KCNN2: variants seen among roughly 807,000 people sequenced by gnomAD.
KCNN2 encodes the protein small conductance calcium-activated potassium channel protein 2.
KCNN2 carries 24 observed loss-of-function variants against 55.5 expected under a neutral mutation model. The ratio of observed to expected loss-of-function variants is 0.43; its 90% CI spans 0.31 to 0.61. KCNN2 has a LOEUF of 0.61. Ranked by LOEUF, KCNN2 falls within the 20% of genes least tolerant of loss-of-function variation. The probability of loss-of-function intolerance (pLI) is 0.08; values close to 1 mark genes in which losing one functional copy is unlikely to be tolerated. For missense variants in KCNN2, 754 were observed against 853.6 expected (o/e 0.88, Z 1.45); for synonymous variants, 431 against 336.1 (o/e 1.28, Z -3.09).
chr5:114,139,122 A>G (rs570404067), intron 1 of KCNN2, among the ~76,000 whole-genome samples: 103 of 152,268 alleles, frequency 6.8e-4, no homozygotes, highest in African/African-American at 2.5e-3. Flanking sequence ...CATATTTAGT[A>G]ACTAATCCAT....
chr5:114,431,904 T>C (rs1474217067), intron 3 of KCNN2, among the ~76,000 whole-genome samples: 4 of 152,234 alleles, frequency 2.6e-5, no homozygotes, highest in Non-Finnish European at 4.4e-5. Context: ...TCTTTGTGTT[T>C]TTGATTTCTA....
chr5:114,270,835 G>A (rs1487166515), intron 2 of KCNN2, among the ~76,000 whole-genome samples: 6 of 152,088 alleles, frequency 3.9e-5, no homozygotes, highest in Non-Finnish European at 5.9e-5. Flanking sequence ...TGGTGTGTCC[G>A]CAGTTTGTTC....
intron 1 of KCNN2, among the ~76,000 whole-genome samples, chr5:114,137,238 A>C (rs1219631631): frequency 1.3e-5 from 2 of 152,170 alleles, no homozygotes; most frequent in Non-Finnish European, 2.9e-5. Context: ...AATGTCTTCA[A>C]TGTGGGTTGC....
intron 1 of KCNN2, among the ~76,000 whole-genome samples, chr5:114,173,879 T>C: frequency 6.6e-6 from 1 of 152,120 alleles, no homozygotes; most frequent in South Asian, 2.1e-4. Flanking sequence ...AGATGGCAGA[T>C]TCACTAAAAA....
intron 1 of KCNN2, among the ~76,000 whole-genome samples, chr5:114,145,489 C>T (rs1327921829): frequency 6.6e-6 from 1 of 152,078 alleles, no homozygotes; most frequent in Non-Finnish European, 1.5e-5. Context: ...TACCAAGTGT[C>T]CTAAAGGAGG....
At chr5:114,109,975 G>A (rs1751562622) in intron 1 of KCNN2, among the ~76,000 whole-genome samples, 1 of 151,948 alleles carries the variant, frequency 6.6e-6, no homozygotes, top group African/African-American at 2.4e-5. Context: ...GTCCATGAGG[G>A]CTCCTCCCCT....
intron 2 of KCNN2, among the ~76,000 whole-genome samples, chr5:114,373,640 T>TTTTGTATATATATATATATATATATATA (rs536849367): frequency 1.8e-5 from 1 of 56,710 alleles, no homozygotes; most frequent in African/African-American, 5.3e-5. Flanking sequence ...TATGAAGATT[T>TTTTGTATATATATATATATATATATATA]TATATATATA....
intron 1 of KCNN2, among the ~76,000 whole-genome samples, chr5:114,093,886 G>A (rs186574837): frequency 2.6e-5 from 4 of 152,184 alleles, no homozygotes; most frequent in African/African-American, 9.6e-5. Flanking sequence ...CCTAACCATA[G>A]TACAACCTAA....
intron 1 of KCNN2, among the ~76,000 whole-genome samples, chr5:114,089,700 G>A (rs1421481502): frequency 1.3e-5 from 2 of 151,856 alleles, no homozygotes; most frequent in Non-Finnish European, 2.9e-5. Context: ...CATAGAATGG[G>A]GTCTGAAAAT....
intron 2 of KCNN2, among the ~76,000 whole-genome samples, chr5:114,367,118 C>G (rs540529111): frequency 2.0e-5 from 3 of 152,122 alleles, no homozygotes; most frequent in Non-Finnish European, 4.4e-5. Flanking sequence ...ATCCGTGTGA[C>G]CTTTTATAAA....
rs1377548005 is a variant in KCNN2 at position 114,232,928 on chromosome 5, T to TTTTTTGTTTTTTTG, written c.-185+11368_-185+11369insGTTTTTTTGTTTTT. On this transcript the variant is annotated intron_variant, in intron 2 of 10. Coordinates refer to the KCNN2 transcript ENST00000512097. ...GTAATTTTTTATATTGTTTCTTGTT[T>TTTTTTGTTTTTTTG]TTTTTTTTTTGAGACGGAGTCTCGC... 3.7e-4 allele frequency among the ~76,000 whole-genome samples: 28 copies of TTTTTTGTTTTTTTG among 75,890 alleles called. 2 individuals are homozygous for TTTTTTGTTTTTTTG. Among genetic ancestry groups the TTTTTTGTTTTTTTG allele is most frequent in the African/African-American group, 1.0e-3 (25 of 23,996 alleles). 49.8% of individuals were successfully genotyped at this position (75,890 alleles called of 152,430 possible).
At chr5:114,164,338 A>G (rs1752861846) in intron 1 of KCNN2, among the ~76,000 whole-genome samples, 1 of 152,142 alleles carries the variant, frequency 6.6e-6, no homozygotes, top group South Asian at 2.1e-4. Context: ...ACCTAGGTTT[A>G]TTTTTACTTT....
At chr5:114,463,593 T>G (rs1015867150) in intron 4 of KCNN2, among the ~76,000 whole-genome samples, 1 of 152,150 alleles carries the variant, frequency 6.6e-6, no homozygotes, top group African/African-American at 2.4e-5. Context: ...ATATATTAAT[T>G]ATAATATTTA....
At chr5:114,433,335 T>C (rs1051162082) in intron 3 of KCNN2, among the ~76,000 whole-genome samples, 1 of 152,172 alleles carries the variant, frequency 6.6e-6, no homozygotes, top group Admixed American at 6.5e-5. Context: ...AACCTTTGTG[T>C]GGACACTCTG....
chr5:114,388,546 A>G (rs977583485), intron 2 of KCNN2, among the ~76,000 whole-genome samples: 10 of 152,140 alleles, frequency 6.6e-5, no homozygotes, highest in Admixed American at 5.9e-4. Context: ...TTATGTTGAT[A>G]ACTATAATTA....
intron 6 of KCNN2, among the ~76,000 whole-genome samples, chr5:114,487,943 G>A (rs1343867185): frequency 2.0e-5 from 3 of 152,138 alleles, no homozygotes; most frequent in Admixed American, 2.0e-4. Context: ...ACCTACGAGG[G>A]TAGTAATGGA....
Position 114,456,096 on chromosome 5 carries a change from CTA to C in KCNN2, c.1638-6951_1638-6950del, listed in dbSNP as rs1760916401. 3.9e-5 allele frequency among the ~76,000 whole-genome samples: 6 copies of C among 152,258 alleles called. No individual in the cohort carries two copies. In the East Asian group the frequency reaches 1.2e-3, roughly 29 times the overall value. ...TTTTCAATGTAGATGAAACAGGCTT[CTA>C]TTGGAAAAATATGTCATCTAGGAAT... On this transcript the variant is annotated intron_variant, in intron 3 of 7. Coordinates refer to ENST00000673685, the MANE Select transcript of KCNN2 (RefSeq NM_021614.4).
At chr5:114,280,089 A>C (rs1409372342) in intron 2 of KCNN2, among the ~76,000 whole-genome samples, 1 of 152,144 alleles carries the variant, frequency 6.6e-6, no homozygotes, top group East Asian at 1.9e-4. Context: ...TTGGCTGCAT[A>C]AATGTCTTCT....
chr5:114,435,782 CTTTTAA>C (rs577084469), intron 3 of KCNN2, among the ~76,000 whole-genome samples: 24 of 152,132 alleles, frequency 1.6e-4, no homozygotes, highest in African/African-American at 5.5e-4. Context: ...AAATTAAAGT[CTTTTAA>C]TTTTATGTTT....
Sources: allele counts gnomAD v4.1 joint callset (sites outside exome capture counted in the v4.1 genomes callset), GRCh38; gene constraint gnomAD v4.1.1; transcripts MANE v1.5; gene names NCBI Gene and HGNC (gene_info 2026-07-23, HGNC 2026-07-21).